EXT1: variants seen among roughly 807,000 people sequenced by gnomAD.
EXT1 encodes the protein exostosin glycosyltransferase 1.
A neutral mutation model predicts 82.5 loss-of-function variants in EXT1; 20 were observed. The observed-to-expected ratio is 0.24, with a 90% confidence interval of 0.17 to 0.35. The LOEUF (loss-of-function observed/expected upper bound fraction) is 0.35. EXT1 is among the 10% of genes least tolerant of loss of function. The probability of loss-of-function intolerance (pLI) is 1.00; values close to 1 mark genes in which losing one functional copy is unlikely to be tolerated. For missense variants in EXT1, 757 were observed against 936.5 expected, an observed-to-expected ratio of 0.81 and a Z score of 2.50; for synonymous variants, 348 against 350.8, an observed-to-expected ratio of 0.99 and a Z score of 0.09.
At chr8:117,925,030 G>A (rs1220871894) in intron 1 of EXT1, among the ~76,000 whole-genome samples, 2 of 152,010 alleles carry the variant, frequency 1.3e-5, no homozygotes, top group Admixed American at 1.3e-4. Flanking sequence ...ATGTTTCCAT[G>A]GAGAAAAAAA....
rs1169850545 is a variant in EXT1 at position 117,980,694 on chromosome 8, GGTGGTTTTTTTT to G, written c.962+129379_962+129390del. 1.9e-4 allele frequency among the ~76,000 whole-genome samples: 23 copies of G among 123,410 alleles called. 2 individuals are homozygous for G. The highest frequency in any genetic ancestry group is 2.6e-4 in the Non-Finnish European group (15 of 56,794). 81.0% of individuals were successfully genotyped at this position (123,410 alleles called of 152,430 possible). On this transcript the variant is annotated intron_variant, in intron 1 of 10. Transcript: ENST00000378204. ...GGGAAGGTTTGTTTGTTCGGGTGTTGGTGGTTTTTTTTTTTTTTTTTTTTTTTTTTTTTTTTT... is the reference window on the plus strand; with the variant it reads ...GGGAAGGTTTGTTTGTTCGGGTGTTGTTTTTTTTTTTTTTTTTTTTTTTTT...
chr8:118,077,291 T>C (rs1181728573), intron 1 of EXT1, among the ~76,000 whole-genome samples: 1 of 152,202 alleles, frequency 6.6e-6, no homozygotes, highest in Non-Finnish European at 1.5e-5. Flanking sequence ...CCTTCTTCCT[T>C]ACTGAGGCAT....
chr8:117,888,561 A>G (rs1813189968), intron 1 of EXT1, among the ~76,000 whole-genome samples: 2 of 152,202 alleles, frequency 1.3e-5, no homozygotes, highest in Admixed American at 1.3e-4. Context: ...TAAATGGCCT[A>G]GAGAAAGCTG....
chr8:118,024,329 A>C (rs1200881325), intron 1 of EXT1, among the ~76,000 whole-genome samples: 2 of 152,200 alleles, frequency 1.3e-5, no homozygotes, highest in Non-Finnish European at 2.9e-5. Context: ...CTACAGAGAA[A>C]ACATGTGTTT....
intron 1 of EXT1, among the ~76,000 whole-genome samples, chr8:117,927,502 C>T (rs550686496): frequency 7.2e-4 from 104 of 143,558 alleles, no homozygotes; most frequent in African/African-American, 2.5e-3. Flanking sequence ...AGTAGTCTAG[C>T]TGAGGGGAAA....
At chr8:117,898,351 C>T (rs1813380632) in intron 1 of EXT1, among the ~76,000 whole-genome samples, 1 of 152,182 alleles carries the variant, frequency 6.6e-6, no homozygotes, top group Non-Finnish European at 1.5e-5. Context: ...CCAGGCAAGG[C>T]CAGCCTGGGG....
intron 1 of EXT1, among the ~76,000 whole-genome samples, chr8:117,925,961 G>A (rs570489404): frequency 9.2e-5 from 14 of 152,180 alleles, no homozygotes; most frequent in Admixed American, 3.3e-4. Flanking sequence ...TGCAATAGCC[G>A]TTTCGCATGT....
intron 1 of EXT1, among the ~76,000 whole-genome samples, chr8:117,923,064 C>T (rs185521476): frequency 1.4e-4 from 22 of 152,322 alleles, no homozygotes; most frequent in Non-Finnish European, 2.8e-4. Flanking sequence ...GTGGCTTGTG[C>T]CTGTAATCCC....
chr8:117,923,601 C>T (rs1210569462), intron 1 of EXT1, among the ~76,000 whole-genome samples: 1 of 151,440 alleles, frequency 6.6e-6, no homozygotes, highest in Non-Finnish European at 1.5e-5. Context: ...TGGCGGTTGC[C>T]TGTAGTCCCA....
intron 1 of EXT1, among the ~76,000 whole-genome samples, chr8:118,032,406 A>C (rs567014633): frequency 8.0e-4 from 121 of 150,676 alleles, no homozygotes; most frequent in Non-Finnish European, 1.4e-3. Context: ...AACAATAAAG[A>C]TTTTTTTCAG....
intron 1 of EXT1, among the ~76,000 whole-genome samples, chr8:117,944,944 C>G (rs1421188516): frequency 3.9e-5 from 6 of 152,080 alleles, no homozygotes; most frequent in African/African-American, 9.7e-5. Flanking sequence ...GGGCGGATCA[C>G]GAGGTCAGGA....
At chr8:118,034,059 T>C (rs1277166970) in intron 1 of EXT1, among the ~76,000 whole-genome samples, 2 of 152,198 alleles carry the variant, frequency 1.3e-5, no homozygotes, top group Non-Finnish European at 2.9e-5. Context: ...GTAAGACTTA[T>C]TAAACATCCA....
At chr8:117,993,172 T>C (rs1220300641) in intron 1 of EXT1, among the ~76,000 whole-genome samples, 1 of 152,200 alleles carries the variant, frequency 6.6e-6, no homozygotes, top group Admixed American at 6.5e-5. Context: ...TAGTAACTCA[T>C]ATGATTAAAT....
At chr8:118,000,870 C>A (rs959466144) in intron 1 of EXT1, among the ~76,000 whole-genome samples, 2 of 152,042 alleles carry the variant, frequency 1.3e-5, no homozygotes, top group Non-Finnish European at 2.9e-5. Context: ...GTGATGTGAT[C>A]CCTAATGTAG....
At chr8:117,844,600 C>T (rs573653149) in intron 1 of EXT1, among the ~76,000 whole-genome samples, 97 of 152,240 alleles carry the variant, frequency 6.4e-4, no homozygotes, top group Non-Finnish European at 1.1e-3. Context: ...ACTGTTCCAT[C>T]TCAATTAGGA....
chr8:118,089,032 T>C (rs1586266657), intron 1 of EXT1, among the ~76,000 whole-genome samples: 2 of 152,318 alleles, frequency 1.3e-5, no homozygotes, highest in South Asian at 4.1e-4. Flanking sequence ...ACGAGACTGA[T>C]CATTTCTTGG....
At chr8:117,857,237 C>T (rs900304652) in intron 1 of EXT1, among the ~76,000 whole-genome samples, 2 of 152,150 alleles carry the variant, frequency 1.3e-5, no homozygotes, top group African/African-American at 4.8e-5. Flanking sequence ...TAACACAACA[C>T]CCACTCTGCA....
intron 1 of EXT1, among the ~76,000 whole-genome samples, chr8:118,059,093 C>G (rs994683173): frequency 2.0e-5 from 3 of 152,186 alleles, no homozygotes; most frequent in African/African-American, 7.2e-5. Flanking sequence ...GGACCCTAAA[C>G]AGAAATACAC....
At chr8:117,965,993 T>TACACACACACACACACACACACACACAC (rs35638588) in intron 1 of EXT1, among the ~76,000 whole-genome samples, 20 of 150,596 alleles carry the variant, frequency 1.3e-4, no homozygotes, top group African/African-American at 4.9e-4. Context: ...TACATGCATA[T>TACACACACACACACACACACACACACAC]ACACACACAC....
Sources: gnomAD v4.1 joint callset for allele counts (sites outside exome capture counted in the v4.1 genomes callset) on GRCh38, gnomAD v4.1.1 for gene constraint, MANE v1.5 for transcripts, NCBI Gene and HGNC (gene_info 2026-07-23, HGNC 2026-07-21) for gene names.